Variants in DPP6 observed in about 807,000 individuals in gnomAD.
The protein encoded by DPP6 is dipeptidyl peptidase like 6.
DPP6 carries 69 observed loss-of-function variants against 122.6 expected under a neutral mutation model. The observed-to-expected ratio is 0.56, with a 90% CI of 0.46 to 0.69. The LOEUF (loss-of-function observed/expected upper bound fraction) is 0.69. DPP6 is among the 30% of genes least tolerant of loss of function. The probability of loss-of-function intolerance (pLI) is 0.00; values close to 1 mark genes in which losing one functional copy is unlikely to be tolerated. For missense variants in DPP6, 928 were observed against 1,116.9 expected (o/e 0.83, Z 2.41); for synonymous variants, 418 against 433.1 (o/e 0.97, Z 0.43).
At chr7:154,275,169 G>A (rs879631374) in intron 1 of DPP6, among the ~76,000 whole-genome samples, 2 of 152,234 alleles carry the variant, frequency 1.3e-5, no homozygotes, top group African/African-American at 2.4e-5. Context: ...GGCAGCCTCA[G>A]CCAAGGACTG....
intron 7 of DPP6, among the ~76,000 whole-genome samples, chr7:154,699,987 G>C (rs938213280): frequency 2.6e-5 from 4 of 152,152 alleles, no homozygotes; most frequent in Non-Finnish European, 5.9e-5. Flanking sequence ...GGCTCCTTCA[G>C]CACCCTAGGT....
chr7:154,149,712 A>G (rs1346771036), intron 1 of DPP6, among the ~76,000 whole-genome samples: 1 of 152,238 alleles, frequency 6.6e-6, no homozygotes, highest in African/African-American at 2.4e-5. Flanking sequence ...TTTAACTGCT[A>G]GGATATGAAT....
upstream of DPP6, among the ~76,000 whole-genome samples, chr7:154,049,691 A>C: frequency 6.9e-6 from 1 of 144,776 alleles, no homozygotes. Context: ...GGGTTCAAGC[A>C]ATTCTCCTGT....
chr7:153,949,632 G>A (rs1056375001), intron 1 of DPP6, among the ~76,000 whole-genome samples: 3 of 152,174 alleles, frequency 2.0e-5, no homozygotes, highest in Admixed American at 2.0e-4. Context: ...ACCTAAACAC[G>A]AAAGCATTTT....
intron 1 of DPP6, among the ~76,000 whole-genome samples, chr7:154,207,173 C>G (rs1799494607): frequency 6.6e-6 from 1 of 152,202 alleles, no homozygotes; most frequent in Non-Finnish European, 1.5e-5. Context: ...TATAAAAGTT[C>G]TAATGACTGT....
chr7:154,754,925 A>G (rs1843585532), intron 8 of DPP6, among the ~76,000 whole-genome samples: 1 of 152,130 alleles, frequency 6.6e-6, no homozygotes, highest in Non-Finnish European at 1.5e-5. Flanking sequence ...GAGTTGAACA[A>G]TGAGAACACA....
chr7:154,636,167 C>T (rs532362462), intron 5 of DPP6, among the ~76,000 whole-genome samples: 2 of 152,150 alleles, frequency 1.3e-5, no homozygotes, highest in East Asian at 1.9e-4. Flanking sequence ...TATGAAAAGG[C>T]GGTTTTGGAG....
At chr7:154,460,909 A>C (rs1383305928) in intron 2 of DPP6, among the ~76,000 whole-genome samples, 1 of 152,198 alleles carries the variant, frequency 6.6e-6, no homozygotes, top group Admixed American at 6.5e-5. Context: ...TATTGACTGT[A>C]GTCACATTGT....
intron 1 of DPP6, among the ~76,000 whole-genome samples, chr7:153,888,475 G>GCCGCTCC (rs1799041533): frequency 6.6e-6 from 1 of 152,186 alleles, no homozygotes; most frequent in African/African-American, 2.4e-5. Context: ...CACCCGCCTC[G>GCCGCTCC]CCGCTCCCCG....
chr7:154,463,229 A>T (rs1821462719), intron 2 of DPP6, among the ~76,000 whole-genome samples: 3 of 81,622 alleles, frequency 3.7e-5, no homozygotes, highest in African/African-American at 9.6e-5. Flanking sequence ...TTTTTTTGAG[A>T]CGGAGTCTCG....
the DPP6 span, among the ~76,000 whole-genome samples, chr7:153,835,470 A>T: frequency 6.6e-6 from 1 of 152,058 alleles, no homozygotes; most frequent in Non-Finnish European, 1.5e-5. Context: ...CACCTTGGTT[A>T]ATCCGCTTTA....
intron 1 of DPP6, among the ~76,000 whole-genome samples, chr7:153,966,922 C>G (rs897679863): frequency 1.5e-4 from 22 of 151,390 alleles, no homozygotes; most frequent in Non-Finnish European, 3.2e-4. Context: ...GAAAAATGAG[C>G]TGAGCTTAGT....
intron 1 of DPP6, among the ~76,000 whole-genome samples, chr7:153,985,015 C>T (rs1391995981): frequency 1.3e-5 from 2 of 152,216 alleles, no homozygotes; most frequent in Non-Finnish European, 2.9e-5. Flanking sequence ...CCAGCCTTTG[C>T]TGAACACACA....
intron 8 of DPP6, among the ~76,000 whole-genome samples, chr7:154,762,952 G>A: frequency 6.6e-6 from 1 of 152,252 alleles, no homozygotes; most frequent in Non-Finnish European, 1.5e-5. Flanking sequence ...AGTGGCAGGG[G>A]ACTGCTTTAA....
At chr7:153,786,609 C>T in the DPP6 span, among the ~76,000 whole-genome samples, 60 of 150,414 alleles carry the variant, frequency 4.0e-4, 1 homozygote, top group African/African-American at 1.3e-3. Flanking sequence ...CGTGGTGGCG[C>T]GCACCTGTAG....
chr7:154,749,748 A>G (rs1447352634), intron 8 of DPP6, among the ~76,000 whole-genome samples: 1 of 48,484 alleles, frequency 2.1e-5, no homozygotes, highest in Non-Finnish European at 4.3e-5. Context: ...AGGACGGGAA[A>G]GAGAGGGATG....
chr7:154,567,189 A>T (rs531429193), intron 5 of DPP6, among the ~76,000 whole-genome samples: 15 of 152,292 alleles, frequency 9.8e-5, no homozygotes, highest in Middle Eastern at 6.8e-3. Flanking sequence ...CATAGACACA[A>T]ATCTTGCCCT....
chr7:153,965,386 T>G (rs753469294), intron 1 of DPP6, among the ~76,000 whole-genome samples: 1 of 152,140 alleles, frequency 6.6e-6, no homozygotes, highest in Non-Finnish European at 1.5e-5. Context: ...TAGGCAGCGC[T>G]CCTCATGGCC....
chr7:154,612,176 A>G (rs1199961898), intron 5 of DPP6, among the ~76,000 whole-genome samples: 2 of 152,292 alleles, frequency 1.3e-5, no homozygotes, highest in Non-Finnish European at 1.5e-5. Context: ...CTGCGAGCCA[A>G]TAGATCTCTG....
Sources: gnomAD v4.1 joint callset for allele counts (sites outside exome capture counted in the v4.1 genomes callset) on GRCh38, gnomAD v4.1.1 for gene constraint, MANE v1.5 for transcripts, NCBI Gene and HGNC (gene_info 2026-07-23, HGNC 2026-07-21) for gene names.